The following TAX1BP1 variants were observed in gnomAD, a reference collection of about 807,000 sequenced individuals.
TAX1BP1 encodes the protein tax1-binding protein 1.
A neutral mutation model predicts 97.7 loss-of-function variants in TAX1BP1; 62 were observed. The ratio of observed to expected loss-of-function variants is 0.63; its 90% CI spans 0.52 to 0.78. The LOEUF (loss-of-function observed/expected upper bound fraction) is 0.78, where lower values mean the gene tolerates loss of function less well. Ranked by LOEUF, TAX1BP1 falls within the 30% of genes least tolerant of loss-of-function variation. The pLI, the probability that TAX1BP1 is intolerant of heterozygous loss-of-function variation, is 0.00. For missense variants in TAX1BP1, 867 were observed against 916.1 expected (o/e 0.95, Z 0.69); for synonymous variants, 340 against 304.2 (o/e 1.12, Z -1.23).
intron 5 of TAX1BP1, 121 bp downstream of exon 5, chr7:27,769,955 A>G (rs1313845918): frequency 7.0e-6 from 6 of 851,868 alleles, no homozygotes; most frequent in Non-Finnish European, 9.2e-6. Flanking sequence ...AGCCTTTTAG[A>G]TAGACGTTTA....
At chr7:27,795,425 T>C (rs1367537899) in intron 11 of TAX1BP1, among the ~76,000 whole-genome samples, 1 of 152,150 alleles carries the variant, frequency 6.6e-6, no homozygotes, top group Non-Finnish European at 1.5e-5. Flanking sequence ...CTGGGCAACA[T>C]AGTGAGACCC....
intron 12 of TAX1BP1, among the ~76,000 whole-genome samples, chr7:27,796,810 G>A (rs936929550): frequency 4.0e-5 from 6 of 151,660 alleles, no homozygotes; most frequent in Admixed American, 1.3e-4. Context: ...GCAGTGAGCC[G>A]AGTTTGCACA....
At chr7:27,767,419 A>G (rs574206487) in intron 4 of TAX1BP1, among the ~76,000 whole-genome samples, 87 of 152,310 alleles carry the variant, frequency 5.7e-4, no homozygotes, top group Admixed American at 1.7e-3. Flanking sequence ...TTTATTAGAC[A>G]GTCAAACTAG....
At chr7:27,803,254 A>AT (rs1790206273) in intron 13 of TAX1BP1, 1 of 1,304,524 alleles carries the variant, frequency 7.7e-7, no homozygotes. Context: ...GAAGAGACAC[A>AT]TTTTGAAGTT....
At chr7:27,748,449 T>C (rs1353826846) in intron 1 of TAX1BP1, 69 bp from the exon 2 acceptor site, 11 of 1,049,612 alleles carry the variant, frequency 1.0e-5, no homozygotes, top group East Asian at 8.7e-5. Context: ...TTAAATATTA[T>C]GTATTTTCTG....
Position 27,799,993 on chromosome 7 carries a change from C to T in TAX1BP1, c.1667C>T (p.Ala556Val). ...QDEKAKCNKY[A>V]DELAKMELKW... ...GAGAAAGCAAAATGCAATAAATATG[C>T]TGATGAACTTGCAAAAATGGAGCTG... The change falls in exon 13 of 17, where the codon GCT becomes GTT. Residue 556 changes from alanine (A) to valine (V), a missense_variant. Physicochemically the swap from Ala to Val is moderately conservative, Grantham distance 64. Transcript: ENST00000396319. 3 of 1,600,226 alleles carry T rather than the reference C, an allele frequency of 1.9e-6. No individual in the cohort carries two copies. In the South Asian group the frequency reaches 3.4e-5, roughly 18 times the overall value.
chr7:27,765,172 C>T (rs1166185245), intron 3 of TAX1BP1, among the ~76,000 whole-genome samples: 2 of 148,288 alleles, frequency 1.3e-5, no homozygotes, highest in African/African-American at 5.0e-5. Flanking sequence ...CATGCCATCA[C>T]ACCTGGCAAA....
chr7:27,797,678 T>C (rs2128319492), intron 12 of TAX1BP1, among the ~76,000 whole-genome samples: 1 of 152,216 alleles, frequency 6.6e-6, no homozygotes, highest in South Asian at 2.1e-4. Flanking sequence ...GTGGAAGGGT[T>C]GATTAGAACA....
intron 2 of TAX1BP1, among the ~76,000 whole-genome samples, chr7:27,757,495 C>A (rs10951178): frequency 0.17 from 25,077 of 151,934 alleles, 2,452 homozygotes; most frequent in African/African-American, 0.27. Context: ...AAAACACTTA[C>A]ATTGGAGGTA....
In TAX1BP1 at chr7:27,769,786, A is replaced by G. The variant is rs747442910; in HGVS notation, c.564A>G (p.Glu188=). ...AACAAGTTGGGAGAATGGAAAGAGA[A>G]CTTAACCATGAGAAAGAAAGATGTG... is the stretch of plus-strand genomic sequence containing the variant. The part of the protein sequence containing the change: ...LREQVGRMER[E]LNHEKERCDQ... The change falls in exon 5 of 17, where the codon GAA becomes GAG. Residue 188 remains glutamate, a synonymous_variant. Coordinates refer to ENST00000396319, the MANE Select transcript of TAX1BP1 (RefSeq NM_006024.7). 13 of 1,612,668 alleles carry G rather than the reference A, an allele frequency of 8.1e-6. No homozygotes were observed. The highest frequency in any genetic ancestry group is 1.7e-5 in the Admixed American group (1 of 59,980).
At chr7:27,769,395 G>A (rs1382245506) in intron 4 of TAX1BP1, among the ~76,000 whole-genome samples, 1 of 151,834 alleles carries the variant, frequency 6.6e-6, no homozygotes, top group African/African-American at 2.4e-5. Context: ...CTTATTTTTA[G>A]TTCTGATCTC....
chr7:27,783,954 G>T (rs956903624), intron 5 of TAX1BP1, among the ~76,000 whole-genome samples: 2 of 152,128 alleles, frequency 1.3e-5, no homozygotes, highest in Admixed American at 1.3e-4. Flanking sequence ...ACAGTTTTTG[G>T]TTAGTGTTAC....
intron 15 of TAX1BP1, among the ~76,000 whole-genome samples, chr7:27,826,132 A>G (rs1009675534): frequency 1.3e-5 from 2 of 152,232 alleles, no homozygotes; most frequent in African/African-American, 2.4e-5. Flanking sequence ...AGCAGATTCA[A>G]CTACTTTCTC....
At chr7:27,766,114 A>C in intron 4 of TAX1BP1, 93 bp downstream of exon 4, 1 of 1,320,636 alleles carries the variant, frequency 7.6e-7, no homozygotes, top group East Asian at 2.5e-5. Flanking sequence ...GTTATGTGAG[A>C]GTTGCCACAA....
chr7:27,828,744 A>C lies in TAX1BP1; in HGVS notation c.2285A>C (p.Glu762Ala), dbSNP rs1782573706. The C allele has an allele frequency of 5.6e-6, 9 of 1,614,050 alleles. No individual in the cohort carries two copies. The highest frequency in any genetic ancestry group is 6.8e-6 in the Non-Finnish European group (8 of 1,179,992). Residue 762 changes from glutamate (E) to alanine (A), a missense_variant, in exon 17 of 17, where the codon GAG becomes GCG. This residue lies in a region of TAX1BP1 where 34 missense variants were observed against 33.2 expected (regional missense o/e 1.02). Coordinates refer to ENST00000396319, the MANE Select transcript of TAX1BP1 (RefSeq NM_006024.7). Reference protein sequence around the residue: ...SHWKVCPMCSEQFPPDYDQQV... With the variant: ...SHWKVCPMCSAQFPPDYDQQV... ...TGGAAGGTGTGCCCGATGTGCAGCG[A>C]GCAGTTCCCTCCTGACTATGACCAG... is the stretch of plus-strand genomic sequence containing the variant.
At chr7:27,786,201 G>A (rs998157760) in intron 7 of TAX1BP1, among the ~76,000 whole-genome samples, 1 of 149,778 alleles carries the variant, frequency 6.7e-6, no homozygotes, top group African/African-American at 2.5e-5. Flanking sequence ...GTGCGATCTC[G>A]GCCCACTGCA....
At chr7:27,750,111 A>G (rs756426626) in intron 2 of TAX1BP1, among the ~76,000 whole-genome samples, 2 of 152,088 alleles carry the variant, frequency 1.3e-5, no homozygotes, top group Non-Finnish European at 2.9e-5. Context: ...TTTCGATTTT[A>G]TGGGAGATAC....
chr7:27,824,068 T>G (rs77083447), intron 15 of TAX1BP1, among the ~76,000 whole-genome samples: 4,604 of 152,276 alleles, frequency 0.03, 124 homozygotes, highest in East Asian at 0.081. Context: ...ATAATGCTGC[T>G]ATGAACATGG....
Position 27,816,964 on chromosome 7 carries a change from G to A in TAX1BP1, c.2011G>A (p.Asp671Asn). 6.2e-7 allele frequency: 1 copy of A among 1,614,110 alleles called. No homozygotes were observed. The highest frequency in any genetic ancestry group is 8.5e-7 in the Non-Finnish European group (1 of 1,179,978). The change falls in exon 15 of 17, where the codon GAC becomes AAC. Residue 671 changes from aspartate (D) to asparagine (N), a missense_variant. By Grantham distance (23) the Asp-to-Asn change is conservative. This residue lies in a region of TAX1BP1 where 822 missense variants were observed against 851.4 expected (regional missense o/e 0.97). Transcript: ENST00000396319. ...CAGAGTCCCCTCTTGGGGACTGGAAGACAATGTTGTCTGCAGCCAGCCTGC... is the reference window on the plus strand; with the variant it reads ...CAGAGTCCCCTCTTGGGGACTGGAAAACAATGTTGTCTGCAGCCAGCCTGC... ...PVRVPSWGLE[D>N]NVVCSQPARN...
Sources: gnomAD v4.1 joint callset for allele counts (sites outside exome capture counted in the v4.1 genomes callset) on GRCh38, gnomAD v4.1.1 for gene constraint, gnomAD v4.1.1 regional missense constraint, MANE v1.5 for transcripts, NCBI Gene and HGNC (gene_info 2026-07-23, HGNC 2026-07-21) for gene names.